Variants in LRP1B observed in about 807,000 individuals in gnomAD.
LRP1B encodes the protein low-density lipoprotein receptor-related protein 1B.
Under a neutral mutation model 556.6 loss-of-function variants are expected in LRP1B, and 217 were observed. That is an observed-to-expected ratio of 0.39 (90% CI 0.35 to 0.44). The LOEUF (loss-of-function observed/expected upper bound fraction) is 0.44. LRP1B is among the 20% of genes least tolerant of loss of function. The probability of loss-of-function intolerance (pLI) is 1.00; values close to 1 mark genes in which losing one functional copy is unlikely to be tolerated. For synonymous variants in LRP1B, 2,047 were observed against 1,865.8 expected, an observed-to-expected ratio of 1.10 and a Z score of -2.50; for missense variants, 5,053 against 5,620.8, an observed-to-expected ratio of 0.90 and a Z score of 3.23.
intron 2 of LRP1B, among the ~76,000 whole-genome samples, chr2:141,481,130 A>G (rs1682904843): frequency 6.6e-6 from 1 of 152,222 alleles, no homozygotes; most frequent in Admixed American, 6.5e-5. Context: ...GCTAAAGAAC[A>G]GGAAGTGAAA....
intron 63 of LRP1B, among the ~76,000 whole-genome samples, chr2:140,449,537 G>C (rs2105312183): frequency 6.6e-6 from 1 of 152,096 alleles, no homozygotes; most frequent in Middle Eastern, 3.4e-3. Context: ...GATTATATTA[G>C]AAACACAATG....
chr2:141,022,640 A>G (rs1698098560), intron 11 of LRP1B, among the ~76,000 whole-genome samples: 1 of 151,968 alleles, frequency 6.6e-6, no homozygotes, highest in African/African-American at 2.4e-5. Flanking sequence ...TAATGACTCT[A>G]TGAACAAAAG....
Position 140,907,859 on chromosome 2 carries a change from C to T in LRP1B, c.3520+18G>A. The T allele has an allele frequency of 6.2e-7, 1 of 1,610,454 alleles. No individual in the cohort carries two copies. The highest frequency in any genetic ancestry group is 1.3e-5 in the African/African-American group (1 of 74,890). ...TGTAGTTTTCATGGAGAAGTCAGTACAATTAAACATGCAATACCACAGAGA... is the reference window on the plus strand; with the variant it reads ...TGTAGTTTTCATGGAGAAGTCAGTATAATTAAACATGCAATACCACAGAGA... On this transcript the variant is annotated intron_variant, in intron 22 of 90. Coordinates refer to ENST00000389484, the MANE Select transcript of LRP1B (RefSeq NM_018557.3).
Position 140,350,943 on chromosome 2 carries a change from G to A in LRP1B, c.11746C>T (p.His3916Tyr), listed in dbSNP as rs1402834512. The A allele has an allele frequency of 3.1e-6, 5 of 1,610,318 alleles. No individual in the cohort carries two copies. The African/African-American group carries it at 5.4e-5, about 17-fold the overall frequency. The change falls in exon 77 of 91, where the codon CAT becomes TAT. Residue 3916 changes from histidine (H) to tyrosine (Y), a missense_variant. This residue lies in a region of LRP1B where 599 missense variants were observed against 648.4 expected (regional missense o/e 0.92). Transcript: ENST00000389484. ...GTTATTCTTGAATTATGTTCAATAT[G>A]AGAAATTTGTTGATGATCGCCACTG... ...NYSGDHQQIS[H>Y]IEHNSRITGM...
At chr2:141,532,749 G>A (rs1015381116) in intron 2 of LRP1B, among the ~76,000 whole-genome samples, 1 of 152,076 alleles carries the variant, frequency 6.6e-6, no homozygotes. Flanking sequence ...ACTTTGGGAG[G>A]TCAAGGCAGG....
In LRP1B at chr2:141,404,229, A is replaced by G. The variant is rs72985136; in HGVS notation, c.343+76167T>C. On this transcript the variant is annotated intron_variant, in intron 3 of 90. Transcript: ENST00000389484. ...TGTAGGCCTATGTCTAGTTTTCACA[A>G]TAAAATATCTGGTTAGAAATTTCAA... 8.0e-3 allele frequency among the ~76,000 whole-genome samples: 1,226 copies of G among 152,340 alleles called. 19 individuals carry two copies. The highest frequency in any genetic ancestry group is 0.028 in the African/African-American group (1,153 of 41,590).
At chr2:141,125,321 CT>C (rs1451900187) in intron 7 of LRP1B, among the ~76,000 whole-genome samples, 4 of 152,274 alleles carry the variant, frequency 2.6e-5, no homozygotes, top group African/African-American at 9.6e-5. Context: ...CTCATTTCTT[CT>C]TTCCCATTTT....
intron 1 of LRP1B, among the ~76,000 whole-genome samples, chr2:141,988,819 GCT>G (rs1437333376): frequency 6.6e-6 from 1 of 151,896 alleles, no homozygotes; most frequent in African/African-American, 2.4e-5. Flanking sequence ...TCACAAATGA[GCT>G]CTCTTAAATT....
chr2:141,008,198 C>CTG (rs1392183855), intron 14 of LRP1B, among the ~76,000 whole-genome samples: 12 of 151,336 alleles, frequency 7.9e-5, no homozygotes, highest in African/African-American at 2.7e-4. Flanking sequence ...AGGTCATTAA[C>CTG]ATATTAATAG....
rs970199416 is a variant in LRP1B at position 140,867,478 on chromosome 2, G to A, written c.4579+112C>T. ...AAACCACTTCCCTCATAGAGTATGC[G>A]TAAAATGTCAATAACTTTTAACTTA... On this transcript the variant is annotated intron_variant, in intron 27 of 90. Coordinates refer to ENST00000389484, the MANE Select transcript of LRP1B (RefSeq NM_018557.3). The A allele has an allele frequency of 2.8e-4, 345 of 1,221,596 alleles. 1 individual carries two copies. Among genetic ancestry groups the A allele is most frequent in the South Asian group, 6.1e-4 (29 of 47,568 alleles). The allele number at this position is 1,221,596 out of a possible 1,614,324, so 75.7% of individuals were successfully genotyped here.
At chr2:140,708,550 A>C (rs1686921996) in intron 37 of LRP1B, among the ~76,000 whole-genome samples, 1 of 148,704 alleles carries the variant, frequency 6.7e-6, no homozygotes, top group African/African-American at 2.4e-5. Context: ...AGCACATTAA[A>C]AATATTACAC....
chr2:140,647,771 T>C (rs576260980), intron 41 of LRP1B, among the ~76,000 whole-genome samples: 4 of 152,308 alleles, frequency 2.6e-5, no homozygotes, highest in African/African-American at 9.6e-5. Context: ...ATGGCGATCA[T>C]TAAAAATTCA....
At position 140,895,370 on chromosome 2, in the gene LRP1B, A is replaced by C. The variant is rs148001623; in HGVS notation, c.3766+7550T>G. On this transcript the variant is annotated intron_variant, in intron 23 of 90. Transcript: ENST00000389484. ...AGAAGAAAATGCAATTGAAACAGGA[A>C]ATTTTCCCTGACCCCTTCACAGGAC... Among the ~76,000 whole-genome samples the C allele has an allele frequency of 4.4e-3, 666 of 152,280 alleles. 7 individuals carry two copies. The highest frequency in any genetic ancestry group is 0.015 in the African/African-American group (612 of 41,570).
At chr2:140,890,949 TATAA>T (rs1461445164) in intron 23 of LRP1B, among the ~76,000 whole-genome samples, 1 of 152,094 alleles carries the variant, frequency 6.6e-6, no homozygotes, top group Non-Finnish European at 1.5e-5. Flanking sequence ...TTAGAATGAA[TATAA>T]ATAATATGTG....
At chr2:141,578,749 GAAGT>G (rs1686851544) in intron 2 of LRP1B, among the ~76,000 whole-genome samples, 1 of 152,178 alleles carries the variant, frequency 6.6e-6, no homozygotes, top group Non-Finnish European at 1.5e-5. Context: ...GCTGCCTGAA[GAAGT>G]AATAAGTAAG....
intron 1 of LRP1B, among the ~76,000 whole-genome samples, chr2:141,874,968 A>G: frequency 6.7e-6 from 1 of 149,906 alleles, no homozygotes; most frequent in South Asian, 2.1e-4. Context: ...GAGATATTAT[A>G]TTCTTAAATC....
intron 84 of LRP1B, among the ~76,000 whole-genome samples, chr2:140,285,763 C>A (rs539305360): frequency 9.9e-5 from 15 of 151,474 alleles, no homozygotes; most frequent in Admixed American, 2.6e-4. Flanking sequence ...AATACTAATC[C>A]CAGATACTTT....
At chr2:141,524,840 C>CA (rs34182622) in intron 2 of LRP1B, among the ~76,000 whole-genome samples, 66 of 140,864 alleles carry the variant, frequency 4.7e-4, no homozygotes, top group Middle Eastern at 3.7e-3. Flanking sequence ...TATGGCTATG[C>CA]AAAAAAAAAA....
intron 41 of LRP1B, among the ~76,000 whole-genome samples, chr2:140,649,020 G>T (rs76937279): frequency 0.044 from 6,734 of 152,082 alleles, 183 homozygotes; most frequent in Middle Eastern, 0.065. Context: ...GGGTAGAACT[G>T]ATCAGGTTAT....
Sources: gnomAD v4.1 joint callset for allele counts (sites outside exome capture counted in the v4.1 genomes callset) on GRCh38, gnomAD v4.1.1 for gene constraint, gnomAD v4.1.1 regional missense constraint, MANE v1.5 for transcripts, NCBI Gene and HGNC (gene_info 2026-07-23, HGNC 2026-07-21) for gene names.